Variants in ERCC3 observed in about 807,000 individuals in gnomAD.
The protein encoded by ERCC3 is ERCC excision repair 3, TFIIH core complex helicase subunit.
ERCC3 carries 66 observed loss-of-function variants against 94.2 expected under a neutral mutation model. That is an observed-to-expected ratio of 0.70 (90% CI 0.57 to 0.86). ERCC3 has a LOEUF of 0.86. ERCC3 is among the 40% of genes least tolerant of loss of function. ERCC3 has a pLI of 0.00. For synonymous variants in ERCC3, 349 were observed against 369.1 expected (o/e 0.95, Z 0.63); for missense variants, 829 against 987.1 (o/e 0.84, Z 2.15).
At chr2:127,292,039 G>A (rs1304570320) in intron 3 of ERCC3, 1 of 181,884 alleles carries the variant, frequency 5.5e-6, no homozygotes, top group Non-Finnish European at 1.2e-5. Flanking sequence ...TTCAGTTTCT[G>A]GTGAAGGCTC....
intron 4 of ERCC3, 124 bp from the exon 5 acceptor site, chr2:127,289,948 A>C (rs1315275372): frequency 2.4e-5 from 28 of 1,150,262 alleles, no homozygotes; most frequent in Non-Finnish European, 3.5e-5. Context: ...CCCTTCGCCA[A>C]ATCTGTACCA....
In ERCC3 at chr2:127,279,510, C is replaced by A. The variant is rs1043927368; in HGVS notation, c.1528-135G>T. 5.4e-6 allele frequency: 4 copies of A among 744,782 alleles called. No individual in the cohort carries two copies. The highest frequency in any genetic ancestry group is 9.5e-6 in the Non-Finnish European group (4 of 420,632). 46.1% of individuals were successfully genotyped at this position (744,782 alleles called of 1,614,324 possible). ...GGTGCAGTGGCTCATGCCTGTAATG[C>A]CAGCAGTTTGGGAGGCTGAGGCAGG... On this transcript the variant is annotated intron_variant, in intron 9 of 14. Transcript: ENST00000285398. This position sits in a 1 kb window ranked among gnomAD's most constrained non-coding sequence, Gnocchi z 4.7.
intron 10 of ERCC3, among the ~76,000 whole-genome samples, chr2:127,275,542 T>C (rs1338405965): frequency 6.6e-6 from 1 of 152,122 alleles, no homozygotes. Flanking sequence ...AAGCAGATGC[T>C]CGGGAGGCTG....
In ERCC3 at chr2:127,269,209, A is replaced by C. The variant is rs373442595; in HGVS notation, c.1945+2127T>G. Among the ~76,000 whole-genome samples, 354 of 152,298 alleles carry C rather than the reference A, an allele frequency of 2.3e-3. 1 individual carries two copies. Among genetic ancestry groups the C allele is most frequent in the African/African-American group, 7.7e-3 (321 of 41,552 alleles). The stretch of plus-strand genomic sequence containing the variant: ...GATATGGGGGGACTACTGTATTAAA[A>C]AACTAGGACAGAAAATTCTGTGGCC... On this transcript the variant is annotated intron_variant, in intron 12 of 14. Transcript: ENST00000285398.
chr2:127,293,374 A>C (rs921271724), intron 2 of ERCC3, 139 bp downstream of exon 2: 2 of 821,952 alleles, frequency 2.4e-6, no homozygotes, highest in African/African-American at 3.4e-5. Context: ...GGGCTGTTCC[A>C]ACGTGTGTGG....
rs368653777 is a variant in ERCC3, at chr2:127,277,621, G to A, written c.1730+1552C>T. ...CAGGAGAATCACTTGAACCCACAAG[G>A]CAGAGGTTGCAGTGAGCTGAGATAG... On this transcript the variant is annotated intron_variant, in intron 10 of 14. Transcript: ENST00000285398. This position sits in a 1 kb window ranked among gnomAD's most constrained non-coding sequence, Gnocchi z 5.1. 9.9e-5 allele frequency among the ~76,000 whole-genome samples: 15 copies of A among 152,062 alleles called. No homozygotes were observed. Among genetic ancestry groups the A allele is most frequent in the East Asian group, 3.9e-4 (2 of 5,178 alleles).
rs150197279 is a variant in ERCC3 at position 127,269,491 on chromosome 2, G to A, written c.1945+1845C>T. On this transcript the variant is annotated intron_variant, in intron 12 of 14. Coordinates refer to ENST00000285398, the MANE Select transcript of ERCC3 (RefSeq NM_000122.2). Reference sequence around the variant, plus strand: ...GGCTGGAATGCAGTGGCGCAATCTCGGCTCACTGTAAGCTCTGCCTCCCGG... The same window carrying A: ...GGCTGGAATGCAGTGGCGCAATCTCAGCTCACTGTAAGCTCTGCCTCCCGG... Among the ~76,000 whole-genome samples the A allele has an allele frequency of 4.1e-3, 596 of 145,606 alleles. 4 individuals are homozygous for A. Among genetic ancestry groups the A allele is most frequent in the African/African-American group, 0.014 (556 of 39,012 alleles).
chr2:127,289,034 C>T (rs1685175035), intron 6 of ERCC3, among the ~76,000 whole-genome samples, 170 bp from the exon 7 acceptor site: 1 of 152,196 alleles, frequency 6.6e-6, no homozygotes, highest in African/African-American at 2.4e-5. Flanking sequence ...GCAACCCAGA[C>T]TAACAACACT....
chr2:127,275,237 C>G (rs989152847), intron 10 of ERCC3, among the ~76,000 whole-genome samples: 5 of 151,870 alleles, frequency 3.3e-5, no homozygotes, highest in Admixed American at 1.3e-4. Flanking sequence ...ACTATATTGC[C>G]CAAGCTGGAC....
chr2:127,267,751 A>C (rs935529949), intron 12 of ERCC3, among the ~76,000 whole-genome samples: 4 of 151,956 alleles, frequency 2.6e-5, no homozygotes, highest in Admixed American at 2.6e-4. Context: ...CCATTCTTTC[A>C]TTTCCATGTT....
rs150667960 is a variant in ERCC3 at position 127,274,889 on chromosome 2, G to A, written c.1731-1928C>T. Among the ~76,000 whole-genome samples the A allele has an allele frequency of 2.4e-4, 36 of 152,272 alleles. No individual in the cohort carries two copies. The highest frequency in any genetic ancestry group is 3.4e-3 in the Middle Eastern group (1 of 294). ...CACATTTACTAAATACTTACAAGCT[G>A]CCAGGCACAAGAATCCACCCCCCAC... On this transcript the variant is annotated intron_variant, in intron 10 of 14. Transcript: ENST00000285398. This position sits in a 1 kb window ranked among gnomAD's most constrained non-coding sequence, Gnocchi z 4.0.
rs1685002546 is a variant in ERCC3, at chr2:127,284,314, G to C, written c.1342+2389C>G. 6.6e-6 allele frequency: 1 copy of C among 152,312 alleles called. No individual in the cohort carries two copies. The allele number at this position is 152,312 out of a possible 1,614,324, so 9.4% of individuals were successfully genotyped here. A position where few individuals can be genotyped will look rare whatever the true frequency, so the allele number is the denominator to read the frequency against. ...ACTAAGAGTACAAGCCAAAGTTCTT[G>C]TCGTGGCCTACAAGGTCCTACAAGA... is the stretch of plus-strand genomic sequence containing the variant. On this transcript the variant is annotated intron_variant, in intron 8 of 14. Transcript: ENST00000285398. This position sits in a 1 kb window ranked among gnomAD's most constrained non-coding sequence, Gnocchi z 4.1.
chr2:127,289,400 C>T lies in ERCC3; in HGVS notation c.759G>A (p.Glu253=). 1 of 1,613,558 alleles carries T rather than the reference C, an allele frequency of 6.2e-7. No homozygotes were observed. The highest frequency in any genetic ancestry group is 8.5e-7 in the Non-Finnish European group (1 of 1,180,002). Residue 253 remains glutamate (E), a synonymous_variant, in exon 6 of 15, where the codon GAG becomes GAA. Coordinates refer to ENST00000285398, the MANE Select transcript of ERCC3 (RefSeq NM_000122.2). ...CTTCTTCTTCATCCTTGTCCATTTG[C>T]TCATAGAAGTCAAACAGGTCCATGG... ...DIPMDLFDFY[E]QMDKDEEEEE...
chr2:127,259,145 G>T lies in ERCC3; in HGVS notation c.2217+151C>A. 2 of 893,306 alleles carry T rather than the reference G, an allele frequency of 2.2e-6. No individual in the cohort carries two copies. Among genetic ancestry groups the T allele is most frequent in the Non-Finnish European group, 1.8e-6 (1 of 558,696 alleles). 55.3% of individuals were successfully genotyped at this position (893,306 alleles called of 1,614,324 possible). Reference sequence around the variant, plus strand: ...GGGCACACACCAAAAGGGCAACAAGGATTGTTTCTGTTCATCTCTTCCGTG... The same window carrying T: ...GGGCACACACCAAAAGGGCAACAAGTATTGTTTCTGTTCATCTCTTCCGTG... On this transcript the variant is annotated intron_variant, in intron 14 of 14. Transcript: ENST00000285398. The surrounding 1 kb of genome is among the most constrained non-coding windows in gnomAD (Gnocchi z 4.9).
chr2:127,290,302 A>C (rs752884529), intron 3 of ERCC3, 29 bp from the exon 4 acceptor site: 2 of 1,580,146 alleles, frequency 1.3e-6, no homozygotes, highest in South Asian at 2.2e-5. Flanking sequence ...TCCAACAGGT[A>C]AATGTGCAGC....
At position 127,291,098 on chromosome 2, in the gene ERCC3, A is replaced by C. The variant is rs55998967; in HGVS notation, c.472-825T>G. Among the ~76,000 whole-genome samples the C allele has an allele frequency of 0.35, 53,489 of 151,786 alleles. 10,195 individuals are homozygous for C. Among genetic ancestry groups the C allele is most frequent in the East Asian group, 0.62 (3,170 of 5,146 alleles). ...CTCCGTCTCAAAAAAAAAGAAAAAAAAAATTTGCCAGTCAGACTTTGAGGG... is the reference window on the plus strand; with the variant it reads ...CTCCGTCTCAAAAAAAAAGAAAAAACAAATTTGCCAGTCAGACTTTGAGGG... On this transcript the variant is annotated intron_variant, in intron 3 of 14. Transcript: ENST00000285398. This position sits in a 1 kb window ranked among gnomAD's most constrained non-coding sequence, Gnocchi z 4.9.
rs1684048557 is a variant in ERCC3, at chr2:127,257,524, A to T, written c.*72T>A. ...GGAAGGTCAAAGAGGTGGAAGGAAA[A>T]TGTTATGCTGAAAATCCCTTTCCAA... On this transcript the variant is annotated 3_prime_UTR_variant, in exon 15 of 15. Coordinates refer to ENST00000285398, the MANE Select transcript of ERCC3 (RefSeq NM_000122.2). This position sits in a 1 kb window ranked among gnomAD's most constrained non-coding sequence, Gnocchi z 5.4. 4 of 1,596,144 alleles carry T rather than the reference A, an allele frequency of 2.5e-6. No individual in the cohort carries two copies. The highest frequency in any genetic ancestry group is 1.3e-5 in the African/African-American group (1 of 74,548).
At chr2:127,283,077 C>T (rs557451977) in intron 8 of ERCC3, among the ~76,000 whole-genome samples, 1 of 145,400 alleles carries the variant, frequency 6.9e-6, no homozygotes, top group South Asian at 2.2e-4. Context: ...ACCCAATACC[C>T]ACCCTTCCAC....
intron 6 of ERCC3, among the ~76,000 whole-genome samples, chr2:127,289,127 C>G (rs1390622510): frequency 6.6e-6 from 1 of 152,174 alleles, no homozygotes; most frequent in Non-Finnish European, 1.5e-5. Context: ...TGAAGACCAG[C>G]CTACCAGCCT....
Sources: gnomAD v4.1 joint callset for allele counts (sites outside exome capture counted in the v4.1 genomes callset) on GRCh38, gnomAD v4.1.1 for gene constraint, Gnocchi (gnomAD v3.1) non-coding constraint, MANE v1.5 for transcripts, NCBI Gene and HGNC (gene_info 2026-07-23, HGNC 2026-07-21) for gene names.